GHR: variants seen among roughly 807,000 people sequenced by gnomAD.
The protein encoded by GHR is growth hormone receptor, also known as GH receptor.
In GHR, 35 loss-of-function variants were observed where a neutral mutation model predicts 67.1. That is an observed-to-expected ratio of 0.52 (90% CI 0.40 to 0.69). The LOEUF is 0.69. GHR is among the 30% of genes least tolerant of loss of function. GHR has a pLI of 0.00. For synonymous variants in GHR, 272 were observed against 269.1 expected (o/e 1.01, Z -0.10); for missense variants, 792 against 764.6 (o/e 1.04, Z -0.42).
In GHR at chr5:42,719,457, A is replaced by C; in HGVS notation, c.*33A>C. Reference sequence around the variant, plus strand: ...TTGGTTTCCCAAGAGCTACGTATTTAATAGCAAAGAATTGACTGGGGCAAT... The same window carrying C: ...TTGGTTTCCCAAGAGCTACGTATTTCATAGCAAAGAATTGACTGGGGCAAT... On this transcript the variant is annotated 3_prime_UTR_variant, in exon 10 of 10. Transcript: ENST00000230882. 1 of 1,595,670 alleles carries C rather than the reference A, an allele frequency of 6.3e-7. No homozygotes were observed. Among genetic ancestry groups the C allele is most frequent in the Non-Finnish European group, 8.5e-7 (1 of 1,170,364 alleles).
At chr5:42,673,889 C>A (rs1017142635) in intron 3 of GHR, among the ~76,000 whole-genome samples, 1 of 152,096 alleles carries the variant, frequency 6.6e-6, no homozygotes, top group Non-Finnish European at 1.5e-5. Flanking sequence ...ACCCAGGTAA[C>A]AAACCTGCAC....
At chr5:42,672,783 TA>T (rs1756381016) in intron 3 of GHR, among the ~76,000 whole-genome samples, 1 of 152,096 alleles carries the variant, frequency 6.6e-6, no homozygotes, top group Non-Finnish European at 1.5e-5. Flanking sequence ...TATAAGAATG[TA>T]ATATTCAAAT....
At position 42,485,349 on chromosome 5, in the gene GHR, T is replaced by C. The variant is rs1056314601; in HGVS notation, c.-12+61394T>C. On this transcript the variant is annotated intron_variant, in intron 1 of 9. Transcript: ENST00000230882. ...CCTTGTTTTCCTTTTTTAGAATTAA[T>C]TGCTAATTCCTCACTGCTCTCTAAG... 2.6e-5 allele frequency among the ~76,000 whole-genome samples: 4 copies of C among 152,366 alleles called. No individual in the cohort carries two copies. The South Asian group carries it at 6.2e-4, about 24-fold the overall frequency.
chr5:42,637,587 T>G (rs564876250), intron 3 of GHR, among the ~76,000 whole-genome samples: 1 of 152,170 alleles, frequency 6.6e-6, no homozygotes, highest in East Asian at 1.9e-4. Flanking sequence ...AATTCACTTA[T>G]GATGATGACT....
chr5:42,581,266 T>A (rs1350997098), intron 2 of GHR, among the ~76,000 whole-genome samples: 1 of 152,236 alleles, frequency 6.6e-6, no homozygotes, highest in Non-Finnish European at 1.5e-5. Flanking sequence ...TAAGGCAGCC[T>A]CACTGGAACT....
intron 1 of GHR, among the ~76,000 whole-genome samples, chr5:42,553,743 C>T (rs887121406): frequency 5.3e-5 from 8 of 152,178 alleles, no homozygotes; most frequent in African/African-American, 1.9e-4. Context: ...ATTCCATCTA[C>T]CCAGTCTCAT....
chr5:42,426,769 A>G, intron 1 of GHR, among the ~76,000 whole-genome samples: 1 of 152,140 alleles, frequency 6.6e-6, no homozygotes, highest in East Asian at 1.9e-4. Context: ...CTGGCAAGTA[A>G]TTTTTTTCAA....
intron 1 of GHR, among the ~76,000 whole-genome samples, chr5:42,485,207 C>G (rs767748480): frequency 6.6e-6 from 1 of 152,200 alleles, no homozygotes; most frequent in Non-Finnish European, 1.5e-5. Flanking sequence ...TGGGCTATTT[C>G]CATTCCCTAA....
At chr5:42,554,087 G>A (rs1472845355) in intron 1 of GHR, among the ~76,000 whole-genome samples, 2 of 152,046 alleles carry the variant, frequency 1.3e-5, no homozygotes, top group Non-Finnish European at 2.9e-5. Flanking sequence ...CTCAATCCTG[G>A]CCATGCTTTA....
At position 42,695,103 on chromosome 5, in the gene GHR, T is replaced by C; in HGVS notation, c.439+14T>C. On this transcript the variant is annotated intron_variant, in intron 5 of 9. Coordinates refer to ENST00000230882, the MANE Select transcript of GHR (RefSeq NM_000163.5). ...TTGATGAAATAGGTAAATCACAGGTTTTTGTTTCATTTGACATAGTTTTAG... is the reference window on the plus strand; with the variant it reads ...TTGATGAAATAGGTAAATCACAGGTCTTTGTTTCATTTGACATAGTTTTAG... 1 of 1,576,516 alleles carries C rather than the reference T, an allele frequency of 6.3e-7. No homozygotes were observed. The highest frequency in any genetic ancestry group is 8.7e-7 in the Non-Finnish European group (1 of 1,145,846).
intron 3 of GHR, among the ~76,000 whole-genome samples, chr5:42,667,945 C>T (rs1756075531): frequency 6.6e-6 from 1 of 152,158 alleles, no homozygotes; most frequent in African/African-American, 2.4e-5. Context: ...TATTCTGAAG[C>T]AATTATTATC....
intron 1 of GHR, among the ~76,000 whole-genome samples, chr5:42,564,016 C>G (rs915046904): frequency 2.6e-5 from 4 of 152,030 alleles, no homozygotes; most frequent in African/African-American, 9.6e-5. Context: ...TGATGAAAGG[C>G]CATCAGCTCA....
intron 1 of GHR, among the ~76,000 whole-genome samples, chr5:42,564,822 C>T (rs751443656): frequency 6.6e-6 from 1 of 152,080 alleles, no homozygotes; most frequent in Non-Finnish European, 1.5e-5. Flanking sequence ...TCTCGTGGAG[C>T]TCCTGGTATG....
chr5:42,517,700 T>C (rs951022380), intron 1 of GHR, among the ~76,000 whole-genome samples: 8 of 152,184 alleles, frequency 5.3e-5, no homozygotes, highest in African/African-American at 1.9e-4. Flanking sequence ...CTAAATCTTA[T>C]TGTATTGAAA....
chr5:42,452,305 T>G lies in GHR; in HGVS notation c.-12+28350T>G, dbSNP rs1351746587. ...GATAGGTTTTTCTTTATAGGTTACCTGATGCTTTTGTCTCACAGCTCTTGA... is the reference window on the plus strand; with the variant it reads ...GATAGGTTTTTCTTTATAGGTTACCGGATGCTTTTGTCTCACAGCTCTTGA... On this transcript the variant is annotated intron_variant, in intron 1 of 9. Transcript: ENST00000230882. Among the ~76,000 whole-genome samples the G allele has an allele frequency of 2.6e-5, 4 of 152,314 alleles. No homozygotes were observed. In the East Asian group the frequency reaches 7.7e-4, roughly 29 times the overall value.
chr5:42,711,220 T>C lies in GHR; in HGVS notation c.632T>C (p.Leu211Ser), dbSNP rs1450116153. ...TTGTCTTGAAAGATGGACCCTATAT[T>C]GACAACATCAGTTCCAGTGTACTCA... is the stretch of plus-strand genomic sequence containing the variant. ...ETKWKMMDPI[L>S]TTSVPVYSLK... The change falls in exon 7 of 10, where the codon TTG (leucine) becomes TCG (serine). Residue 211 changes from leucine (L) to serine (S), a missense_variant. By Grantham distance (145) the Leu-to-Ser change is moderately radical (BLOSUM62 -2). Transcript: ENST00000230882. 5 of 1,613,154 alleles carry C rather than the reference T, an allele frequency of 3.1e-6. No individual in the cohort carries two copies. The highest frequency in any genetic ancestry group is 4.2e-6 in the Non-Finnish European group (5 of 1,179,268).
intron 2 of GHR, among the ~76,000 whole-genome samples, chr5:42,570,050 T>A (rs35338339): frequency 0.033 from 4,772 of 146,012 alleles, 262 homozygotes; most frequent in African/African-American, 0.12. Flanking sequence ...TTTTTTAAAA[T>A]AAACTCTATT....
intron 1 of GHR, among the ~76,000 whole-genome samples, chr5:42,463,484 T>C (rs1744574863): frequency 6.6e-6 from 1 of 152,246 alleles, no homozygotes; most frequent in Non-Finnish European, 1.5e-5. Flanking sequence ...ATCTGAGAAC[T>C]ATTTTTTTGT....
intron 2 of GHR, among the ~76,000 whole-genome samples, chr5:42,572,972 G>T (rs1750417194): frequency 6.6e-6 from 1 of 152,144 alleles, no homozygotes; most frequent in East Asian, 1.9e-4. Context: ...AGTTTGGACT[G>T]AGCTTGAAAT....
Sources: gnomAD v4.1 joint callset for allele counts (sites outside exome capture counted in the v4.1 genomes callset) on GRCh38, gnomAD v4.1.1 for gene constraint, MANE v1.5 for transcripts, NCBI Gene and HGNC (gene_info 2026-07-23, HGNC 2026-07-21) for gene names.